FSTL4: variants seen among roughly 807,000 people sequenced by gnomAD.
FSTL4 encodes follistatin-related protein 4.
FSTL4 carries 28 observed loss-of-function variants against 78.2 expected under a neutral mutation model. The observed-to-expected ratio is 0.36, with a 90% CI of 0.27 to 0.49. The LOEUF (loss-of-function observed/expected upper bound fraction) is 0.49. Ranked by LOEUF, FSTL4 falls within the 20% of genes least tolerant of loss-of-function variation. FSTL4 has a pLI of 0.98. For missense variants in FSTL4, 922 were observed against 1,084.9 expected (o/e 0.85, Z 2.11); for synonymous variants, 422 against 440.5 (o/e 0.96, Z 0.53).
chr5:133,595,755 T>C (rs564510405), intron 2 of FSTL4, among the ~76,000 whole-genome samples: 1 of 152,302 alleles, frequency 6.6e-6, no homozygotes, highest in East Asian at 1.9e-4. Flanking sequence ...TCATGTACCA[T>C]CTTAGTGCTC....
upstream of FSTL4, among the ~76,000 whole-genome samples, chr5:133,614,292 T>A (rs1761161924): frequency 6.6e-6 from 1 of 152,142 alleles, no homozygotes; most frequent in South Asian, 2.1e-4. Context: ...TAAATCAGGG[T>A]CTATAGGTTG....
intron 4 of FSTL4, among the ~76,000 whole-genome samples, chr5:133,348,528 T>C (rs1012780105): frequency 6.6e-6 from 1 of 152,004 alleles, no homozygotes; most frequent in Non-Finnish European, 1.5e-5. Context: ...CAGGATGCCA[T>C]GGGAAAGGGG....
chr5:133,789,848 C>G, the FSTL4 span, among the ~76,000 whole-genome samples: 1 of 152,090 alleles, frequency 6.6e-6, no homozygotes, highest in African/African-American at 2.4e-5. Flanking sequence ...GGATTAGGGC[C>G]CTGCCTTATG....
intron 4 of FSTL4, among the ~76,000 whole-genome samples, chr5:133,368,263 C>T (rs1431904606): frequency 6.6e-6 from 1 of 152,250 alleles, no homozygotes. Context: ...GCCAGCCAGC[C>T]ATATCCATGT....
intron 7 of FSTL4, among the ~76,000 whole-genome samples, chr5:133,238,575 C>T (rs918292436): frequency 4.6e-5 from 7 of 151,564 alleles, no homozygotes; most frequent in African/African-American, 1.5e-4. Context: ...GCAGTACATG[C>T]GAGTGTGCAC....
chr5:133,248,232 G>A (rs1231444400), intron 7 of FSTL4: 1 of 152,330 alleles, frequency 6.6e-6, no homozygotes, highest in Non-Finnish European at 1.5e-5. Flanking sequence ...CCAACTCAGG[G>A]GGTCACACAG....
At chr5:133,530,936 G>T (rs1332354563) in intron 3 of FSTL4, among the ~76,000 whole-genome samples, 1 of 152,180 alleles carries the variant, frequency 6.6e-6, no homozygotes, top group Non-Finnish European at 1.5e-5. Context: ...ATGGGATCTT[G>T]CCCCAGTGCC....
chr5:133,820,623 C>G, the FSTL4 span, among the ~76,000 whole-genome samples: 1 of 152,200 alleles, frequency 6.6e-6, no homozygotes, highest in Non-Finnish European at 1.5e-5. Flanking sequence ...AGTTACTTTA[C>G]AGGAAGAACA....
intron 3 of FSTL4, among the ~76,000 whole-genome samples, chr5:133,525,433 G>C (rs1416620211): frequency 1.3e-5 from 2 of 152,146 alleles, no homozygotes; most frequent in Non-Finnish European, 2.9e-5. Flanking sequence ...AGCTAAATTA[G>C]GGGCATTGAA....
chr5:133,809,725 A>G, the FSTL4 span, among the ~76,000 whole-genome samples: 1 of 152,222 alleles, frequency 6.6e-6, no homozygotes, highest in Non-Finnish European at 1.5e-5. Context: ...TGTGAGGACT[A>G]TACCTGAAGC....
chr5:133,603,321 T>C (rs1760909208), intron 2 of FSTL4, among the ~76,000 whole-genome samples: 1 of 152,208 alleles, frequency 6.6e-6, no homozygotes, highest in African/African-American at 2.4e-5. Flanking sequence ...GACAAGTTTT[T>C]CAAGCACTTT....
At chr5:133,402,313 G>T (rs1005359226) in intron 3 of FSTL4, among the ~76,000 whole-genome samples, 4 of 152,166 alleles carry the variant, frequency 2.6e-5, no homozygotes, top group African/African-American at 9.7e-5. Flanking sequence ...AGGCGAAACA[G>T]GCGTCCATCA....
chr5:133,430,732 A>G (rs1041129012), intron 3 of FSTL4, among the ~76,000 whole-genome samples: 5 of 152,120 alleles, frequency 3.3e-5, no homozygotes, highest in African/African-American at 1.2e-4. Flanking sequence ...GACACAAAAC[A>G]CTGGTGATAT....
intron 6 of FSTL4, among the ~76,000 whole-genome samples, chr5:133,298,167 T>C (rs931642868): frequency 6.6e-6 from 1 of 152,238 alleles, no homozygotes; most frequent in Non-Finnish European, 1.5e-5. Flanking sequence ...GGGATAACGA[T>C]AGTTCCTCTC....
chr5:133,371,369 C>G (rs757159628), intron 4 of FSTL4, among the ~76,000 whole-genome samples: 5 of 152,206 alleles, frequency 3.3e-5, no homozygotes, highest in Non-Finnish European at 7.3e-5. Context: ...GAGGGTTTAT[C>G]CCATGTAGGT....
At chr5:133,752,654 G>T in the FSTL4 span, among the ~76,000 whole-genome samples, 3 of 151,296 alleles carry the variant, frequency 2.0e-5, no homozygotes, top group Non-Finnish European at 2.9e-5. Context: ...TAAATTAAAG[G>T]GCTTCCTTTC....
At chr5:133,353,421 G>A (rs1754872687) in intron 4 of FSTL4, among the ~76,000 whole-genome samples, 1 of 152,212 alleles carries the variant, frequency 6.6e-6, no homozygotes, top group African/African-American at 2.4e-5. Flanking sequence ...ACTGCTCCCC[G>A]GTCTGAAGGG....
chr5:133,816,663 C>T, the FSTL4 span, among the ~76,000 whole-genome samples: 1 of 152,178 alleles, frequency 6.6e-6, no homozygotes, highest in Non-Finnish European at 1.5e-5. Context: ...TATTGTAGCT[C>T]TCCAAACCCC....
the FSTL4 span, among the ~76,000 whole-genome samples, chr5:133,804,574 G>C: frequency 3.3e-5 from 5 of 152,196 alleles, no homozygotes; most frequent in Non-Finnish European, 7.3e-5. Flanking sequence ...CTTGTTAACT[G>C]ATCTGCATGA....
Sources: allele counts gnomAD v4.1 joint callset (sites outside exome capture counted in the v4.1 genomes callset), GRCh38; gene constraint gnomAD v4.1.1; transcripts MANE v1.5; gene names NCBI Gene and HGNC (gene_info 2026-07-23, HGNC 2026-07-21).